The following LRP11 variants were observed in gnomAD, a reference collection of about 807,000 sequenced individuals.
LRP11 encodes low-density lipoprotein receptor-related protein 11.
In LRP11, 25 loss-of-function variants were observed where a neutral mutation model predicts 43.1. That is an observed-to-expected ratio of 0.58 (90% CI 0.42 to 0.81). LRP11 has a LOEUF of 0.81. Ranked by LOEUF, LRP11 falls within the 30% of genes least tolerant of loss-of-function variation. The pLI, the probability that LRP11 is intolerant of heterozygous loss-of-function variation, is 0.00. For synonymous variants in LRP11, 316 were observed against 299.4 expected (o/e 1.06, Z -0.57); for missense variants, 623 against 665.1 (o/e 0.94, Z 0.70).
chr6:149,839,299 G>GT (rs2115387322), intron 3 of LRP11, among the ~76,000 whole-genome samples: 1 of 152,234 alleles, frequency 6.6e-6, no homozygotes, highest in South Asian at 2.1e-4. Context: ...AGGAAGAGAA[G>GT]TTAAAGAAAA....
chr6:149,847,824 TACACAC>T (rs57292379), intron 2 of LRP11, among the ~76,000 whole-genome samples: 18,053 of 130,724 alleles, frequency 0.14, 1,288 homozygotes, highest in East Asian at 0.22. Context: ...TAAACTAAAT[TACACAC>T]ACACACACAC....
intron 5 of LRP11, among the ~76,000 whole-genome samples, chr6:149,828,453 G>A (rs1776369091): frequency 6.6e-6 from 1 of 151,432 alleles, no homozygotes; most frequent in Admixed American, 6.6e-5. Context: ...AAATCTCATG[G>A]TGTTGATATC....
chr6:149,847,210 G>A (rs1776649944), intron 2 of LRP11, among the ~76,000 whole-genome samples: 1 of 152,186 alleles, frequency 6.6e-6, no homozygotes, highest in Non-Finnish European at 1.5e-5. Context: ...CACTGGGGCT[G>A]AAAGGACAGA....
intron 3 of LRP11, among the ~76,000 whole-genome samples, chr6:149,838,708 T>C (rs188655336): frequency 6.7e-6 from 1 of 150,182 alleles, no homozygotes; most frequent in South Asian, 2.1e-4. Context: ...AAGAAAGAAA[T>C]AACGACATTT....
intron 3 of LRP11, among the ~76,000 whole-genome samples, chr6:149,839,715 C>T (rs1257087065): frequency 6.6e-6 from 1 of 152,158 alleles, no homozygotes; most frequent in Non-Finnish European, 1.5e-5. Flanking sequence ...AGTGCGGTGG[C>T]ACAATCTCAG....
intron 2 of LRP11, 129 bp from the exon 3 acceptor site, chr6:149,843,253 G>A (rs561804579): frequency 1.3e-5 from 12 of 945,386 alleles, no homozygotes; most frequent in Middle Eastern, 2.2e-4. Flanking sequence ...GCCCGAGGCT[G>A]CTGAACTACA....
At chr6:149,859,540 C>T (rs1776859899) in intron 1 of LRP11, among the ~76,000 whole-genome samples, 1 of 150,972 alleles carries the variant, frequency 6.6e-6, no homozygotes, top group South Asian at 2.1e-4. Context: ...GGACTACAGG[C>T]GTGTGTCAAC....
At chr6:149,821,496 A>G (rs188960501) in intron 6 of LRP11, among the ~76,000 whole-genome samples, 154 of 152,386 alleles carry the variant, frequency 1.0e-3, no homozygotes, top group Non-Finnish European at 1.5e-3. Flanking sequence ...TGACTCAGTC[A>G]GTAGAACCTT....
chr6:149,859,398 T>TATA (rs1562448086), intron 1 of LRP11, among the ~76,000 whole-genome samples: 48 of 42,526 alleles, frequency 1.1e-3, no homozygotes, highest in African/African-American at 4.9e-3. Flanking sequence ...ATATATATAT[T>TATA]TTTTTTTTTT....
At chr6:149,834,930 CTTAAA>C (rs1197686220) in intron 5 of LRP11, among the ~76,000 whole-genome samples, 2 of 152,152 alleles carry the variant, frequency 1.3e-5, no homozygotes, top group Admixed American at 6.5e-5. Context: ...CACTTTCCTT[CTTAAA>C]TTATTTTGCA....
At chr6:149,831,299 A>G (rs1776405454) in intron 5 of LRP11, among the ~76,000 whole-genome samples, 1 of 152,218 alleles carries the variant, frequency 6.6e-6, no homozygotes, top group African/African-American at 2.4e-5. Flanking sequence ...AGGAATTCTC[A>G]AGTTTCAAAA....
Position 149,863,983 on chromosome 6 carries a change from C to A in LRP11, c.38G>T (p.Arg13Leu). Residue 13 changes from arginine (R) to leucine (L), a missense_variant, in exon 1 of 7, where the codon CGC (arginine) becomes CTC (leucine). Coordinates refer to ENST00000239367, the MANE Select transcript of LRP11 (RefSeq NM_032832.6). Reference protein sequence around the residue: ...SVAQESAGSQRRLPPRHGALR... With the variant: ...SVAQESAGSQLRLPPRHGALR... Reference sequence around the variant, plus strand: ...CGCCCCGTGACGCGGCGGTAGCCGGCGCTGCGAGCCCGCGCTCTCCTGGGC... The same window carrying A: ...CGCCCCGTGACGCGGCGGTAGCCGGAGCTGCGAGCCCGCGCTCTCCTGGGC... 7.1e-7 allele frequency: 1 copy of A among 1,404,760 alleles called. No individual in the cohort carries two copies. The allele number at this position is 1,404,760 out of a possible 1,614,324, so 87.0% of individuals were successfully genotyped here.
intron 1 of LRP11, among the ~76,000 whole-genome samples, chr6:149,854,709 G>A (rs1434833010): frequency 6.6e-6 from 1 of 152,198 alleles, no homozygotes; most frequent in Non-Finnish European, 1.5e-5. Flanking sequence ...TCTGGTTCGA[G>A]TGCTGGCTGG....
At chr6:149,837,134 C>T (rs148476152) in intron 4 of LRP11, among the ~76,000 whole-genome samples, 3 of 152,232 alleles carry the variant, frequency 2.0e-5, no homozygotes, top group Non-Finnish European at 2.9e-5. Context: ...AAATTAAAAA[C>T]ATAAGCAATA....
In LRP11 at chr6:149,863,799, C is replaced by G; in HGVS notation, c.222G>C (p.Glu74Asp). 8 of 1,497,348 alleles carry G rather than the reference C, an allele frequency of 5.3e-6. No individual in the cohort carries two copies. Among genetic ancestry groups the G allele is most frequent in the Non-Finnish European group, 7.1e-6 (8 of 1,131,440 alleles). 92.8% of individuals were successfully genotyped at this position (1,497,348 alleles called of 1,614,324 possible). ...RQLQQERPQE[E>D]LELELRAGGG... Reference sequence around the variant, plus strand: ...CGCCCGCGCGCAGCTCCAGCTCCAGCTCCTCCTGAGGCCGCTCCTGCTGCA... The same window carrying G: ...CGCCCGCGCGCAGCTCCAGCTCCAGGTCCTCCTGAGGCCGCTCCTGCTGCA... Residue 74 changes from glutamate to aspartate, a missense_variant, in exon 1 of 7, where the codon GAG (glutamate) becomes GAC (aspartate). Coordinates refer to ENST00000239367, the MANE Select transcript of LRP11 (RefSeq NM_032832.6).
At chr6:149,838,105 G>T (rs1161481713) in intron 3 of LRP11, among the ~76,000 whole-genome samples, 1 of 151,804 alleles carries the variant, frequency 6.6e-6, no homozygotes, top group African/African-American at 2.4e-5. Context: ...TTTTGGTAGA[G>T]ATGGGATTTC....
chr6:149,860,383 C>T (rs1447925651), intron 1 of LRP11, among the ~76,000 whole-genome samples: 1 of 152,118 alleles, frequency 6.6e-6, no homozygotes, highest in Non-Finnish European at 1.5e-5. Flanking sequence ...ATCCTAGCAG[C>T]TCTAGCTTCT....
chr6:149,834,697 A>G (rs1162457716), intron 5 of LRP11, among the ~76,000 whole-genome samples: 1 of 152,170 alleles, frequency 6.6e-6, no homozygotes, highest in Non-Finnish European at 1.5e-5. Context: ...GTAGTGACCG[A>G]TTTTACCAGT....
intron 2 of LRP11, among the ~76,000 whole-genome samples, chr6:149,850,507 G>A (rs986564057): frequency 6.6e-6 from 1 of 152,148 alleles, no homozygotes; most frequent in Admixed American, 6.5e-5. Context: ...CCAATAAGGT[G>A]TTCAACTGAT....
Sources: gnomAD v4.1 joint callset for allele counts (sites outside exome capture counted in the v4.1 genomes callset) on GRCh38, gnomAD v4.1.1 for gene constraint, MANE v1.5 for transcripts, NCBI Gene and HGNC (gene_info 2026-07-23, HGNC 2026-07-21) for gene names.